The following HLCS variants were observed in gnomAD, a reference collection of about 807,000 sequenced individuals.
The protein encoded by HLCS is biotin--protein ligase.
HLCS carries 53 observed loss-of-function variants against 75.0 expected under a neutral mutation model. The ratio of observed to expected loss-of-function variants is 0.71; its 90% confidence interval spans 0.57 to 0.89. The LOEUF (loss-of-function observed/expected upper bound fraction) is 0.89. HLCS is among the 40% of genes least tolerant of loss of function. The pLI, the probability that HLCS is intolerant of heterozygous loss-of-function variation, is 0.00. For synonymous variants in HLCS, 431 were observed against 428.6 expected (o/e 1.01, Z -0.07); for missense variants, 966 against 1,074.0 (o/e 0.90, Z 1.41).
chr21:36,837,561 G>A (rs2062457290), intron 6 of HLCS, among the ~76,000 whole-genome samples: 1 of 152,258 alleles, frequency 6.6e-6, no homozygotes, highest in East Asian at 1.9e-4. Flanking sequence ...AACTTATCTA[G>A]TGGGTACTAT....
At chr21:36,970,632 G>T (rs1010502312), upstream of HLCS, among the ~76,000 whole-genome samples, 1 of 151,320 alleles carries the variant, frequency 6.6e-6, no homozygotes, top group Non-Finnish European at 1.5e-5. Flanking sequence ...GCCTCCCAAA[G>T]TACCGGGATT....
In HLCS at chr21:36,930,336, C is replaced by G. The variant is rs747688148; in HGVS notation, c.1535G>C (p.Arg512Thr). ...GAGGCCAAGGGTTGTCAGAATCTCTCTAAGGACTTCGTATCTTCTAAAATT... is the reference window on the plus strand; with the variant it reads ...GAGGCCAAGGGTTGTCAGAATCTCTGTAAGGACTTCGTATCTTCTAAAATT... ...SSNFRRYEVL[R>T]EILTTLGLSC... The change falls in exon 5 of 11, where the codon AGA becomes ACA. Residue 512 changes from arginine (R) to threonine (T), a missense_variant. Physicochemically the swap from Arg to Thr is moderately conservative, Grantham distance 71. Transcript: ENST00000674895. 6.2e-7 allele frequency: 1 copy of G among 1,614,102 alleles called. No individual in the cohort carries two copies. The highest frequency in any genetic ancestry group is 8.5e-7 in the Non-Finnish European group (1 of 1,180,022).
intron 6 of HLCS, among the ~76,000 whole-genome samples, chr21:36,816,230 A>G (rs2061658985): frequency 6.6e-6 from 1 of 152,068 alleles, no homozygotes; most frequent in African/African-American, 2.4e-5. Context: ...CCATCTCTAT[A>G]AAAAATTTTA....
chr21:36,767,629 C>T (rs2090087054), intron 6 of HLCS, among the ~76,000 whole-genome samples: 2 of 152,062 alleles, frequency 1.3e-5, no homozygotes, highest in African/African-American at 4.8e-5. Flanking sequence ...CTCCCCCCAC[C>T]CCCAATGTAT....
chr21:36,965,749 T>TTG (rs1277187647), intron 1 of HLCS, among the ~76,000 whole-genome samples: 4 of 147,822 alleles, frequency 2.7e-5, no homozygotes, highest in Admixed American at 1.3e-4. Flanking sequence ...TTTTTTTTCT[T>TTG]AAGACAGGGT....
chr21:36,901,390 G>A (rs940545612), intron 5 of HLCS, among the ~76,000 whole-genome samples: 1 of 152,224 alleles, frequency 6.6e-6, no homozygotes, highest in African/African-American at 2.4e-5. Context: ...TTAAAGCCAA[G>A]AAAGAGGATA....
upstream of HLCS, among the ~76,000 whole-genome samples, chr21:36,970,057 G>A (rs2068744560): frequency 2.6e-5 from 4 of 152,276 alleles, no homozygotes; most frequent in South Asian, 8.3e-4. Flanking sequence ...CATGCCCTGG[G>A]AATAATAGTT....
intron 1 of HLCS, among the ~76,000 whole-genome samples, chr21:36,984,424 A>G (rs1208798689): frequency 1.3e-5 from 2 of 152,244 alleles, no homozygotes; most frequent in Admixed American, 1.3e-4. Context: ...TGATACCACA[A>G]CAGTCGATCT....
At chr21:36,921,146 G>T (rs2066146943) in intron 5 of HLCS, among the ~76,000 whole-genome samples, 1 of 152,172 alleles carries the variant, frequency 6.6e-6, no homozygotes, top group Non-Finnish European at 1.5e-5. Flanking sequence ...TAAGTTTTCT[G>T]AGAAGAATAT....
chr21:36,801,730 TG>T (rs1450228313), intron 6 of HLCS, among the ~76,000 whole-genome samples: 1 of 152,184 alleles, frequency 6.6e-6, no homozygotes, highest in Non-Finnish European at 1.5e-5. Context: ...TTTGCTTCAC[TG>T]TGAGTAGTTA....
chr21:36,881,120 C>A (rs1390384909), intron 6 of HLCS, among the ~76,000 whole-genome samples: 2 of 152,068 alleles, frequency 1.3e-5, no homozygotes, highest in African/African-American at 4.8e-5. Flanking sequence ...CAGGTGTGCA[C>A]CACCATGCCC....
At chr21:36,979,658 TA>T (rs531352731) in intron 1 of HLCS, among the ~76,000 whole-genome samples, 173 of 152,264 alleles carry the variant, frequency 1.1e-3, no homozygotes, top group African/African-American at 3.9e-3. Flanking sequence ...CTCACACCTA[TA>T]ATGCCAGCAC....
chr21:36,774,309 C>T (rs1041391035), intron 6 of HLCS, among the ~76,000 whole-genome samples: 6 of 152,204 alleles, frequency 3.9e-5, no homozygotes, highest in African/African-American at 1.2e-4. Context: ...AGAAACATCA[C>T]AGCAGAGTGG....
chr21:36,890,238 A>C (rs1455822680), intron 6 of HLCS, among the ~76,000 whole-genome samples: 1 of 152,166 alleles, frequency 6.6e-6, no homozygotes. Flanking sequence ...ACTTTATAGC[A>C]ATGTGGAAAC....
intron 6 of HLCS, among the ~76,000 whole-genome samples, chr21:36,788,083 C>G (rs1030598572): frequency 1.3e-5 from 2 of 152,186 alleles, no homozygotes; most frequent in Non-Finnish European, 2.9e-5. Flanking sequence ...GTGGGGCCAC[C>G]ACTCCCCACA....
intron 5 of HLCS, among the ~76,000 whole-genome samples, chr21:36,907,855 AG>A (rs2065527009): frequency 6.6e-6 from 1 of 152,214 alleles, no homozygotes; most frequent in Non-Finnish European, 1.5e-5. Flanking sequence ...ACTGCCCAAA[AG>A]AAAATATCGG....
intron 6 of HLCS, among the ~76,000 whole-genome samples, chr21:36,870,889 T>C (rs763351708): frequency 7.9e-5 from 12 of 152,216 alleles, no homozygotes; most frequent in Non-Finnish European, 1.5e-4. Flanking sequence ...ATTTAGCACC[T>C]ACACCCCAGC....
intron 1 of HLCS, among the ~76,000 whole-genome samples, chr21:36,965,898 G>A (rs1303194067): frequency 1.3e-5 from 2 of 150,180 alleles, no homozygotes; most frequent in African/African-American, 4.9e-5. Flanking sequence ...CTACAGGCGC[G>A]TGCCACCACG....
At position 36,962,167 on chromosome 21, in the gene HLCS, T is replaced by G. The variant is rs544471393; in HGVS notation, c.199A>C (p.Ile67Leu). Residue 67 changes from isoleucine (I) to leucine (L), a missense_variant, in exon 2 of 11, where the codon ATT (isoleucine) becomes CTT (leucine). Physicochemically the swap from Ile to Leu is conservative, Grantham distance 5 (BLOSUM62 2). Coordinates refer to ENST00000674895, the MANE Select transcript of HLCS (RefSeq NM_001352514.2). Reference protein sequence around the residue: ...RVFCVSDSQSIEDLNKWALFL... With the variant: ...RVFCVSDSQSLEDLNKWALFL... ...AGGGCCCACTTGTTCAAGTCTTCAA[T>G]GGACTGTATAGAGGGAAAGAAATAT... 7.8e-7 allele frequency: 1 copy of G among 1,288,782 alleles called. No homozygotes were observed. Among genetic ancestry groups the G allele is most frequent in the Non-Finnish European group, 1.0e-6 (1 of 987,988 alleles). The allele number at this position is 1,288,782 out of a possible 1,614,324, so 79.8% of individuals were successfully genotyped here. A position where few individuals can be genotyped will look rare whatever the true frequency, so the allele number is the denominator to read the frequency against.
Sources: allele counts gnomAD v4.1 joint callset (sites outside exome capture counted in the v4.1 genomes callset), GRCh38; gene constraint gnomAD v4.1.1; transcripts MANE v1.5; gene names NCBI Gene and HGNC (gene_info 2026-07-23, HGNC 2026-07-21).